Variants in GRID2 observed in about 807,000 individuals in gnomAD.
GRID2 encodes glutamate ionotropic receptor delta type subunit 2, also known as glutamate receptor ionotropic, delta-2.
A neutral mutation model predicts 114.8 loss-of-function variants in GRID2; 33 were observed. That is an observed-to-expected ratio of 0.29 (90% CI 0.22 to 0.38). The LOEUF is 0.38. Among genes scored for constraint, GRID2 ranks in the 10% least tolerant of loss-of-function variants. GRID2 has a pLI of 1.00. For synonymous variants in GRID2, 505 were observed against 449.9 expected (o/e 1.12, Z -1.55); for missense variants, 1,184 against 1,257.7 (o/e 0.94, Z 0.89).
At chr4:92,755,340 T>C (rs569718063) in intron 2 of GRID2, among the ~76,000 whole-genome samples, 67 of 152,350 alleles carry the variant, frequency 4.4e-4, no homozygotes, top group African/African-American at 1.5e-3. Flanking sequence ...CAGAGGTTTC[T>C]GCTTGTAAGA....
At chr4:93,762,852 C>T (rs1489603589) in intron 14 of GRID2, among the ~76,000 whole-genome samples, 2 of 152,058 alleles carry the variant, frequency 1.3e-5, no homozygotes, top group African/African-American at 4.8e-5. Context: ...CTGCCTTGGG[C>T]CCCTCCACAG....
intron 8 of GRID2, among the ~76,000 whole-genome samples, chr4:93,242,333 A>G (rs909912939): frequency 6.6e-6 from 1 of 151,756 alleles, no homozygotes; most frequent in African/African-American, 2.4e-5. Context: ...ATTGGCTCAC[A>G]TGAGGCTAGA....
intron 8 of GRID2, among the ~76,000 whole-genome samples, chr4:93,347,490 G>C (rs1295883717): frequency 4.6e-5 from 7 of 151,954 alleles, no homozygotes; most frequent in Non-Finnish European, 1.5e-5. Flanking sequence ...TTTAGACTTG[G>C]AGAAAAAGCA....
At chr4:93,747,769 GA>G (rs1731970159) in intron 14 of GRID2, among the ~76,000 whole-genome samples, 1 of 151,500 alleles carries the variant, frequency 6.6e-6, no homozygotes, top group African/African-American at 2.4e-5. Context: ...TGATTTGACA[GA>G]AAAATCAATG....
intron 2 of GRID2, among the ~76,000 whole-genome samples, chr4:92,766,147 T>C (rs576983195): frequency 6.6e-6 from 1 of 152,320 alleles, no homozygotes; most frequent in South Asian, 2.1e-4. Context: ...CTGGCAAAGC[T>C]ACTATAAGTT....
intron 1 of GRID2, among the ~76,000 whole-genome samples, chr4:92,559,980 C>T (rs1393580207): frequency 6.6e-6 from 1 of 152,178 alleles, no homozygotes; most frequent in Non-Finnish European, 1.5e-5. Context: ...TTAATTTACT[C>T]TGAAAGGCAT....
chr4:93,030,734 A>C (rs1054464716), intron 2 of GRID2, among the ~76,000 whole-genome samples: 4 of 152,018 alleles, frequency 2.6e-5, no homozygotes, highest in Non-Finnish European at 4.4e-5. Context: ...AGACCTCTTC[A>C]AATGGAAGAC....
intron 8 of GRID2, among the ~76,000 whole-genome samples, chr4:93,354,057 GTATT>G (rs1560531130): frequency 6.6e-6 from 1 of 151,622 alleles, no homozygotes; most frequent in African/African-American, 2.4e-5. Context: ...GCCAGACACT[GTATT>G]AAGTAATTTA....
intron 2 of GRID2, among the ~76,000 whole-genome samples, chr4:92,668,146 G>T: frequency 6.6e-6 from 1 of 151,876 alleles, no homozygotes; most frequent in African/African-American, 2.4e-5. Flanking sequence ...ATTCCACAGT[G>T]TCAAGGAAAA....
intron 12 of GRID2, among the ~76,000 whole-genome samples, chr4:93,509,504 T>C (rs1382842352): frequency 1.3e-5 from 2 of 152,194 alleles, no homozygotes; most frequent in Non-Finnish European, 2.9e-5. Flanking sequence ...CATAGCTAAT[T>C]ACTAAGAAAA....
chr4:92,539,200 A>G (rs1297455453), intron 1 of GRID2, among the ~76,000 whole-genome samples: 1 of 152,158 alleles, frequency 6.6e-6, no homozygotes, highest in African/African-American at 2.4e-5. Context: ...AGATAACATA[A>G]CACAATATAC....
At chr4:92,906,070 A>T (rs1195542871) in intron 2 of GRID2, among the ~76,000 whole-genome samples, 1 of 152,192 alleles carries the variant, frequency 6.6e-6, no homozygotes, top group Non-Finnish European at 1.5e-5. Context: ...AGAGGTGAAT[A>T]GTTTATGTTT....
chr4:93,697,631 T>G (rs1291073450), intron 14 of GRID2, among the ~76,000 whole-genome samples: 1 of 151,772 alleles, frequency 6.6e-6, no homozygotes, highest in Non-Finnish European at 1.5e-5. Context: ...TATTTCAAAA[T>G]GAAAGACAGG....
intron 1 of GRID2, among the ~76,000 whole-genome samples, chr4:92,336,876 C>T (rs1455130826): frequency 2.0e-5 from 3 of 151,704 alleles, no homozygotes. Flanking sequence ...ACCCATCATG[C>T]CCCACGATTC....
chr4:93,454,210 T>C (rs878888145), intron 10 of GRID2, among the ~76,000 whole-genome samples: 1 of 152,076 alleles, frequency 6.6e-6, no homozygotes, highest in Admixed American at 6.6e-5. Context: ...ATGTAAATAG[T>C]ACAGTTTAAA....
At chr4:93,289,418 G>A (rs960409536) in intron 8 of GRID2, among the ~76,000 whole-genome samples, 12 of 152,024 alleles carry the variant, frequency 7.9e-5, no homozygotes, top group Non-Finnish European at 1.6e-4. Flanking sequence ...TAGGGCATGT[G>A]GCAAATCCAG....
intron 2 of GRID2, among the ~76,000 whole-genome samples, chr4:92,758,388 C>G (rs545941218): frequency 2.0e-5 from 3 of 152,028 alleles, no homozygotes; most frequent in East Asian, 3.9e-4. Context: ...CAACAAGAAC[C>G]CTTTTTTTGT....
intron 12 of GRID2, among the ~76,000 whole-genome samples, chr4:93,513,844 G>A (rs952397113): frequency 6.6e-6 from 1 of 152,180 alleles, no homozygotes. Flanking sequence ...TTTTGTACAT[G>A]ATGGAGATTG....
intron 9 of GRID2, among the ~76,000 whole-genome samples, chr4:93,405,891 G>T (rs1319566015): frequency 6.6e-6 from 1 of 152,110 alleles, no homozygotes; most frequent in Non-Finnish European, 1.5e-5. Flanking sequence ...TACTGAAATA[G>T]ATTTTACATT....
Sources: gnomAD v4.1 joint callset for allele counts (sites outside exome capture counted in the v4.1 genomes callset) on GRCh38, gnomAD v4.1.1 for gene constraint, MANE v1.5 for transcripts, NCBI Gene and HGNC (gene_info 2026-07-23, HGNC 2026-07-21) for gene names.